NIPAL2: variants seen among roughly 807,000 people sequenced by gnomAD.
NIPAL2 encodes the protein NIPA-like protein 2.
A neutral mutation model predicts 48.9 loss-of-function variants in NIPAL2; 43 were observed. The ratio of observed to expected loss-of-function variants is 0.88; its 90% CI spans 0.69 to 1.13. The LOEUF is 1.13. NIPAL2 is among the 50% of genes most tolerant of loss of function. NIPAL2 has a pLI of 0.00. For synonymous variants in NIPAL2, 167 were observed against 174.6 expected (o/e 0.96, Z 0.34); for missense variants, 446 against 461.4 (o/e 0.97, Z 0.31).
intron 1 of NIPAL2, among the ~76,000 whole-genome samples, chr8:98,262,840 G>GC (rs1814441461): frequency 6.6e-6 from 1 of 151,488 alleles, no homozygotes; most frequent in African/African-American, 2.4e-5. Context: ...TTTCAGCACC[G>GC]CACCACACCT....
At chr8:98,239,728 A>G (rs1262761493) in intron 3 of NIPAL2, among the ~76,000 whole-genome samples, 2 of 152,134 alleles carry the variant, frequency 1.3e-5, no homozygotes, top group Non-Finnish European at 2.9e-5. Flanking sequence ...TTTTAGTTTT[A>G]TTTATCTAGT....
chr8:98,266,299 TG>T (rs1814734630), intron 1 of NIPAL2, among the ~76,000 whole-genome samples: 1 of 133,404 alleles, frequency 7.5e-6, no homozygotes, highest in East Asian at 2.1e-4. Context: ...AAAAAGAAAA[TG>T]AAAAAAAAAA....
intron 3 of NIPAL2, among the ~76,000 whole-genome samples, chr8:98,242,189 CT>C (rs201820079): frequency 6.6e-6 from 1 of 151,790 alleles, no homozygotes; most frequent in African/African-American, 2.4e-5. Flanking sequence ...TTTAAAAGTT[CT>C]TTTTTTTGAG....
At chr8:98,283,289 C>A (rs1249445223) in intron 1 of NIPAL2, among the ~76,000 whole-genome samples, 3 of 152,154 alleles carry the variant, frequency 2.0e-5, no homozygotes, top group Non-Finnish European at 4.4e-5. Context: ...CTCAGCAGAG[C>A]AAATTTATGG....
Position 98,280,757 on chromosome 8 carries a change from TATATAG to T in NIPAL2, c.135+13240_135+13245del, listed in dbSNP as rs1344147604. Among the ~76,000 whole-genome samples, 38 of 29,314 alleles carry T rather than the reference TATATAG, an allele frequency of 1.3e-3. 1 individual carries two copies. Among genetic ancestry groups the T allele is most frequent in the Admixed American group, 3.3e-3 (8 of 2,440 alleles). The allele number at this position is 29,314 out of a possible 152,430, so 19.2% of individuals were successfully genotyped here. A position where few individuals can be genotyped will look rare whatever the true frequency, so the allele number is the denominator to read the frequency against. On this transcript the variant is annotated intron_variant, in intron 1 of 10. Transcript: ENST00000430223. ...ATTACTATATATATATATATATATA[TATATAG>T]AGAGAGAGAGAGAGAGAGAGAGAGA...
At chr8:98,247,346 A>C (rs571025678) in intron 3 of NIPAL2, among the ~76,000 whole-genome samples, 15 of 152,342 alleles carry the variant, frequency 9.8e-5, no homozygotes, top group African/African-American at 3.6e-4. Flanking sequence ...AACGAGACAC[A>C]CAGTCAGTCA....
At chr8:98,231,030 C>G (rs1563506781) in intron 4 of NIPAL2, among the ~76,000 whole-genome samples, 1 of 152,148 alleles carries the variant, frequency 6.6e-6, no homozygotes, top group Admixed American at 6.5e-5. Context: ...GCAGTCTAAT[C>G]CCTTTGGTCC....
At chr8:98,281,322 G>A (rs1033325722) in intron 1 of NIPAL2, among the ~76,000 whole-genome samples, 2 of 152,058 alleles carry the variant, frequency 1.3e-5, no homozygotes, top group African/African-American at 2.4e-5. Flanking sequence ...AGGAGTAGAA[G>A]GATGTTACCA....
At chr8:98,200,820 G>C (rs1810763080) in intron 8 of NIPAL2, among the ~76,000 whole-genome samples, 1 of 152,070 alleles carries the variant, frequency 6.6e-6, no homozygotes, top group Non-Finnish European at 1.5e-5. Context: ...CATCCTATTG[G>C]GTGTGAGATT....
At chr8:98,194,528 T>A (rs1810455125) in intron 10 of NIPAL2, among the ~76,000 whole-genome samples, 200 bp downstream of exon 10, 1 of 152,204 alleles carries the variant, frequency 6.6e-6, no homozygotes, top group Non-Finnish European at 1.5e-5. Context: ...TTCTTTTATA[T>A]CCCCAGTTCT....
chr8:98,294,057 C>G lies in NIPAL2; in HGVS notation c.81G>C (p.Gly27=). ...LDELSLNFTY[G]APGAGNGSLS... ...GGGAGCCGTTGCCGGCGCCTGGTGC[C>G]CCGTACGTGAAATTCAGTGACAGCT... Residue 27 remains glycine (G), a synonymous_variant, in exon 1 of 11, where the codon GGG becomes GGC. Coordinates refer to ENST00000430223, the MANE Select transcript of NIPAL2 (RefSeq NM_001321635.2). 7.3e-6 allele frequency: 11 copies of G among 1,501,180 alleles called. No individual in the cohort carries two copies. Among genetic ancestry groups the G allele is most frequent in the Non-Finnish European group, 9.8e-6 (11 of 1,125,790 alleles). 93.0% of individuals were successfully genotyped at this position (1,501,180 alleles called of 1,614,324 possible).
At chr8:98,290,276 G>T (rs1314543402) in intron 1 of NIPAL2, among the ~76,000 whole-genome samples, 1 of 152,154 alleles carries the variant, frequency 6.6e-6, no homozygotes, top group African/African-American at 2.4e-5. Context: ...CCTTAAATAT[G>T]TTGACTTTAA....
At chr8:98,204,820 C>A (rs146646563) in intron 7 of NIPAL2, among the ~76,000 whole-genome samples, 1 of 151,648 alleles carries the variant, frequency 6.6e-6, no homozygotes, top group Non-Finnish European at 1.5e-5. Flanking sequence ...AACCTGTGTA[C>A]CACAGATATT....
At chr8:98,273,087 C>T (rs1815236422) in intron 1 of NIPAL2, among the ~76,000 whole-genome samples, 1 of 152,140 alleles carries the variant, frequency 6.6e-6, no homozygotes, top group African/African-American at 2.4e-5. Flanking sequence ...ACCGTTATTC[C>T]TAGTGCCCCA....
At chr8:98,226,264 T>C (rs1214364915) in intron 4 of NIPAL2, among the ~76,000 whole-genome samples, 2 of 152,138 alleles carry the variant, frequency 1.3e-5, no homozygotes, top group African/African-American at 4.8e-5. Flanking sequence ...CTGGATGGTC[T>C]TGATGCTTGT....
intron 1 of NIPAL2, among the ~76,000 whole-genome samples, chr8:98,293,319 A>T (rs1324587938): frequency 6.6e-6 from 1 of 152,228 alleles, no homozygotes; most frequent in East Asian, 1.9e-4. Flanking sequence ...ACACTTCCTC[A>T]TCTTAAACCA....
At chr8:98,222,712 C>A in intron 4 of NIPAL2, 112 bp from the exon 5 acceptor site, 1 of 1,003,716 alleles carries the variant, frequency 1.0e-6, no homozygotes. Flanking sequence ...ATCGCCCCTC[C>A]CTATTATACT....
chr8:98,285,288 G>T (rs1011660325), intron 1 of NIPAL2, among the ~76,000 whole-genome samples: 7 of 152,150 alleles, frequency 4.6e-5, no homozygotes, highest in African/African-American at 1.7e-4. Context: ...TTGCTGTTGG[G>T]GCATACAGTG....
In NIPAL2 at chr8:98,293,988, CG is replaced by C; in HGVS notation, c.135+14del. ...CGTCCCCACCGGGCTGCGGTGGCTGCGGGGCGGCCCTTACCTGGTTCCTGCG... is the reference window on the plus strand; with the variant it reads ...CGTCCCCACCGGGCTGCGGTGGCTGCGGGCGGCCCTTACCTGGTTCCTGCG... On this transcript the variant is annotated intron_variant, in intron 1 of 10. Transcript: ENST00000430223. 1 of 1,447,172 alleles carries C rather than the reference CG, an allele frequency of 6.9e-7. No homozygotes were observed. Among genetic ancestry groups the C allele is most frequent in the Non-Finnish European group, 9.1e-7 (1 of 1,097,348 alleles). The allele number at this position is 1,447,172 out of a possible 1,614,324, so 89.6% of individuals were successfully genotyped here. A position where few individuals can be genotyped will look rare whatever the true frequency, so the allele number is the denominator to read the frequency against.
Sources: allele counts gnomAD v4.1 joint callset (sites outside exome capture counted in the v4.1 genomes callset), GRCh38; gene constraint gnomAD v4.1.1; transcripts MANE v1.5; gene names NCBI Gene and HGNC (gene_info 2026-07-23, HGNC 2026-07-21).